ITSN1: variants seen among roughly 807,000 people sequenced by gnomAD.
ITSN1 encodes intersectin 1.
A neutral mutation model predicts 239.8 loss-of-function variants in ITSN1; 58 were observed. That is an observed-to-expected ratio of 0.24 (90% confidence interval 0.20 to 0.30). The LOEUF is 0.30. Among genes scored for constraint, ITSN1 ranks in the 10% least tolerant of loss-of-function variants. The probability of loss-of-function intolerance (pLI) is 1.00; values close to 1 mark genes in which losing one functional copy is unlikely to be tolerated. For synonymous variants in ITSN1, 780 were observed against 770.8 expected, an observed-to-expected ratio of 1.01 and a Z score of -0.20; for missense variants, 1,558 against 2,103.3, an observed-to-expected ratio of 0.74 and a Z score of 5.07.
chr21:33,805,238 T>A (rs1464494296), intron 20 of ITSN1, among the ~76,000 whole-genome samples: 1 of 152,238 alleles, frequency 6.6e-6, no homozygotes, highest in African/African-American at 2.4e-5. Flanking sequence ...CAAAGAAGAA[T>A]GGACTTCTTT....
intron 31 of ITSN1, among the ~76,000 whole-genome samples, chr21:33,862,282 AAAAAG>A (rs1374570917): frequency 1.3e-5 from 2 of 150,964 alleles, no homozygotes; most frequent in South Asian, 2.1e-4. Flanking sequence ...CCCTCGATGG[AAAAAG>A]AAAAGAAAAA....
intron 1 of ITSN1, among the ~76,000 whole-genome samples, chr21:33,700,014 A>G (rs2091940645): frequency 6.6e-6 from 1 of 151,224 alleles, no homozygotes; most frequent in African/African-American, 2.4e-5. Context: ...CTCCTGCCTC[A>G]GCTTCCCAAA....
At chr21:33,774,628 C>T in intron 12 of ITSN1, 101 bp from the exon 13 acceptor site, 1 of 1,045,362 alleles carries the variant, frequency 9.6e-7, no homozygotes, top group Non-Finnish European at 1.4e-6. Context: ...TTTAATATTT[C>T]ATCCCTAAAA....
At chr21:33,708,968 C>T (rs966079741) in intron 1 of ITSN1, among the ~76,000 whole-genome samples, 2 of 152,138 alleles carry the variant, frequency 1.3e-5, no homozygotes, top group Non-Finnish European at 2.9e-5. Flanking sequence ...GTTAACCAAA[C>T]GGGTAGGTCT....
At chr21:33,728,006 C>T (rs896901658) in intron 4 of ITSN1, among the ~76,000 whole-genome samples, 4 of 149,206 alleles carry the variant, frequency 2.7e-5, no homozygotes, top group Non-Finnish European at 5.9e-5. Flanking sequence ...CTCACTCTGT[C>T]GCCCAAGCTG....
At chr21:33,781,672 C>T (rs993610339) in intron 15 of ITSN1, 124 bp downstream of exon 15, 2 of 606,056 alleles carry the variant, frequency 3.3e-6, no homozygotes, top group Non-Finnish European at 2.8e-6. Flanking sequence ...CCTCCGCCTC[C>T]CGGGTTCAAG....
intron 1 of ITSN1, among the ~76,000 whole-genome samples, chr21:33,645,385 G>A (rs1015859762): frequency 6.6e-6 from 1 of 152,170 alleles, no homozygotes; most frequent in African/African-American, 2.4e-5. Context: ...GATCAAACTT[G>A]TAATCCCAAC....
intron 1 of ITSN1, among the ~76,000 whole-genome samples, chr21:33,674,682 C>T (rs937751936): frequency 6.6e-6 from 1 of 151,816 alleles, no homozygotes; most frequent in Non-Finnish European, 1.5e-5. Context: ...TTGCAGTGGT[C>T]CTTAAAATTA....
chr21:33,774,555 C>T, intron 12 of ITSN1, 174 bp from the exon 13 acceptor site: 1 of 582,108 alleles, frequency 1.7e-6, no homozygotes, highest in Non-Finnish European at 3.0e-6. Flanking sequence ...TCCCTTTATT[C>T]CCATAGAAGG....
At chr21:33,823,855 A>C (rs1032863591) in intron 25 of ITSN1, among the ~76,000 whole-genome samples, 1 of 152,148 alleles carries the variant, frequency 6.6e-6, no homozygotes. Flanking sequence ...GAATGCCATC[A>C]GGGCTAAGTG....
intron 1 of ITSN1, among the ~76,000 whole-genome samples, chr21:33,698,899 G>A (rs558677525): frequency 1.6e-4 from 25 of 152,256 alleles, no homozygotes; most frequent in Admixed American, 2.6e-4. Flanking sequence ...TTTTAAATAA[G>A]AGAAAGGTTT....
chr21:33,797,271 T>G lies in ITSN1; in HGVS notation c.1953-108T>G, dbSNP rs1473424118. ...CCCCATCTGAACAACAATGTTCCCTTGATGTTCCCATCCCATTTACTGGAT... is the reference window on the plus strand; with the variant it reads ...CCCCATCTGAACAACAATGTTCCCTGGATGTTCCCATCCCATTTACTGGAT... On this transcript the variant is annotated intron_variant, in intron 17 of 39. Transcript: ENST00000381318. This position sits in a 1 kb window ranked among gnomAD's most constrained non-coding sequence, Gnocchi z 4.9. 2 of 839,576 alleles carry G rather than the reference T, an allele frequency of 2.4e-6. No homozygotes were observed. The highest frequency in any genetic ancestry group is 3.9e-6 in the Non-Finnish European group (2 of 507,940). The allele number at this position is 839,576 out of a possible 1,614,324, so 52.0% of individuals were successfully genotyped here.
At chr21:33,686,893 A>AT (rs375296437) in intron 1 of ITSN1, among the ~76,000 whole-genome samples, 4 of 152,236 alleles carry the variant, frequency 2.6e-5, no homozygotes, top group African/African-American at 9.6e-5. Flanking sequence ...TATGGATGGA[A>AT]TTGTTCTCTT....
At chr21:33,772,668 A>G (rs967120245) in intron 12 of ITSN1, among the ~76,000 whole-genome samples, 1 of 152,228 alleles carries the variant, frequency 6.6e-6, no homozygotes, top group Non-Finnish European at 1.5e-5. Context: ...TTCAAGGTTC[A>G]TCCACATTGT....
At chr21:33,743,096 G>T (rs2066959567) in intron 5 of ITSN1, among the ~76,000 whole-genome samples, 2 of 152,110 alleles carry the variant, frequency 1.3e-5, no homozygotes, top group Non-Finnish European at 2.9e-5. Flanking sequence ...CTAGAAATGA[G>T]GATGCAACTA....
intron 1 of ITSN1, among the ~76,000 whole-genome samples, chr21:33,709,725 T>A (rs942924660): frequency 2.0e-5 from 3 of 152,230 alleles, no homozygotes; most frequent in African/African-American, 7.2e-5. Context: ...CCTTTTATCC[T>A]GCAGTTTTGT....
chr21:33,740,379 G>A, intron 5 of ITSN1, among the ~76,000 whole-genome samples: 1 of 152,212 alleles, frequency 6.6e-6, no homozygotes, highest in Non-Finnish European at 1.5e-5. Flanking sequence ...TCAGGCAAAA[G>A]AGGAGAAGCC....
At chr21:33,748,685 C>CA (rs1399245214) in intron 5 of ITSN1, among the ~76,000 whole-genome samples, 2,626 of 140,522 alleles carry the variant, frequency 0.019, 76 homozygotes, top group African/African-American at 0.063. Context: ...ACCGCCCCAC[C>CA]AAAAAAAAAA....
At chr21:33,886,594 A>G (rs918523725) in intron 39 of ITSN1, 134 bp downstream of exon 39, 4 of 761,644 alleles carry the variant, frequency 5.3e-6, no homozygotes, top group Admixed American at 3.1e-5. Flanking sequence ...TGGCTGGCAC[A>G]AGACGAGGCT....
Sources: gnomAD v4.1 joint callset for allele counts (sites outside exome capture counted in the v4.1 genomes callset) on GRCh38, gnomAD v4.1.1 for gene constraint, Gnocchi (gnomAD v3.1) non-coding constraint, MANE v1.5 for transcripts, NCBI Gene and HGNC (gene_info 2026-07-23, HGNC 2026-07-21) for gene names.